CD99L2: variants seen among roughly 807,000 people sequenced by gnomAD.
CD99L2 encodes the protein CD99 molecule like 2, also known as CD99 antigen-like protein 2.
In CD99L2, 24 loss-of-function variants were observed where a neutral mutation model predicts 27.3. The ratio of observed to expected loss-of-function variants is 0.88; its 90% CI spans 0.64 to 1.24. The LOEUF is 1.24. Among genes scored for constraint, CD99L2 ranks in the 50% most tolerant of loss-of-function variants. CD99L2 has a pLI of 0.00. For missense variants in CD99L2, 255 were observed against 221.6 expected, an observed-to-expected ratio of 1.15 and a Z score of -0.96; for synonymous variants, 97 against 87.9, an observed-to-expected ratio of 1.10 and a Z score of -0.58.
At chrX:150,882,059 G>A (rs1243253562) in intron 1 of CD99L2, among the ~76,000 whole-genome samples, 5 of 110,427 alleles carry the variant, frequency 4.5e-5, no homozygotes, top group South Asian at 3.9e-4. Context: ...CTTGTGATCC[G>A]CCCGCCTCGG....
Position 150,862,155 on chromosome X carries a change from T to TA in CD99L2, c.68-30863dup, listed in dbSNP as rs782581256. 5.1e-3 allele frequency among the ~76,000 whole-genome samples: 568 copies of TA among 111,946 alleles called. 7 individuals are homozygous for TA. Among genetic ancestry groups the TA allele is most frequent in the Middle Eastern group, 0.014 (3 of 216 alleles). ...TATTTAAAAGCAATAAAACTATCTT[T>TA]AAAAGCACTGTGATATAATACAAAG... On this transcript the variant is annotated intron_variant, in intron 1 of 10. Coordinates refer to ENST00000370377, the MANE Select transcript of CD99L2 (RefSeq NM_031462.4).
chrX:150,825,875 G>A (rs782097106), intron 2 of CD99L2, among the ~76,000 whole-genome samples: 2 of 112,188 alleles, frequency 1.8e-5, no homozygotes, highest in East Asian at 5.6e-4. Context: ...GTGCTGTACC[G>A]AAACAGTAAA....
intron 1 of CD99L2, among the ~76,000 whole-genome samples, chrX:150,862,817 A>T (rs1339589226): frequency 9.2e-6 from 1 of 109,076 alleles, no homozygotes; most frequent in Non-Finnish European, 1.9e-5. Flanking sequence ...GGTGCGAAAG[A>T]AAGAAGGAAA....
chrX:150,818,052 A>G (rs1569565982), intron 2 of CD99L2, among the ~76,000 whole-genome samples: 1 of 97,058 alleles, frequency 1.0e-5, no homozygotes, highest in East Asian at 2.9e-4. Flanking sequence ...AGAGGAAGAC[A>G]TAATAATTTT....
chrX:150,836,910 A>C (rs1557421220), intron 1 of CD99L2, among the ~76,000 whole-genome samples: 1 of 112,229 alleles, frequency 8.9e-6, no homozygotes, highest in African/African-American at 3.2e-5. Context: ...AAGTATTATA[A>C]TCTTATGAGC....
chrX:150,795,991 C>G (rs1557419900), intron 4 of CD99L2, among the ~76,000 whole-genome samples: 1 of 112,675 alleles, frequency 8.9e-6, no homozygotes, highest in Non-Finnish European at 1.9e-5. Flanking sequence ...AACATCAGGT[C>G]TCTGGGCTCA....
intron 6 of CD99L2, among the ~76,000 whole-genome samples, chrX:150,794,924 G>A (rs2045767412): frequency 8.9e-6 from 1 of 112,876 alleles, no homozygotes; most frequent in Non-Finnish European, 1.9e-5. Context: ...TGTTATTTAT[G>A]TTAAATGTAT....
At chrX:150,857,069 T>C (rs1189090654) in intron 1 of CD99L2, among the ~76,000 whole-genome samples, 1 of 109,001 alleles carries the variant, frequency 9.2e-6, no homozygotes, top group Non-Finnish European at 1.9e-5. Context: ...TGGACAAAAA[T>C]AAAGAAAAAA....
At chrX:150,774,367 G>A (rs782760680) in intron 9 of CD99L2, among the ~76,000 whole-genome samples, 24 of 111,275 alleles carry the variant, frequency 2.2e-4, no homozygotes, top group South Asian at 7.6e-4. Context: ...AAGTGTCCCT[G>A]GCCAGGTCCT....
chrX:150,852,315 G>A (rs1001503982), intron 1 of CD99L2, among the ~76,000 whole-genome samples: 2 of 110,612 alleles, frequency 1.8e-5, no homozygotes, highest in Admixed American at 1.9e-4. Flanking sequence ...GCTGAGCACA[G>A]GATGACAGCT....
intron 7 of CD99L2, among the ~76,000 whole-genome samples, chrX:150,792,047 T>C (rs951925636): frequency 1.8e-5 from 2 of 112,097 alleles, no homozygotes; most frequent in Non-Finnish European, 3.8e-5. Flanking sequence ...TATTTTTGTG[T>C]AAAGGACAGT....
chrX:150,816,829 A>C (rs2046163472), intron 2 of CD99L2, among the ~76,000 whole-genome samples: 1 of 110,054 alleles, frequency 9.1e-6, no homozygotes. Flanking sequence ...TGGAATAAGA[A>C]AATGTGGCAC....
In CD99L2 at chrX:150,886,661, C is replaced by G. The variant is rs782103795; in HGVS notation, c.67+11861G>C. ...AGGGGTGATTCGCCACCCCCCACCC[C>G]CTAGGGGACACTCGGCAATGTCTGG... On this transcript the variant is annotated intron_variant, in intron 1 of 10. Transcript: ENST00000370377. Among the ~76,000 whole-genome samples, 4 of 112,528 alleles carry G rather than the reference C, an allele frequency of 3.6e-5. No individual in the cohort carries two copies. In the South Asian group the frequency reaches 1.5e-3, roughly 42 times the overall value.
intron 7 of CD99L2, among the ~76,000 whole-genome samples, chrX:150,788,154 C>T (rs1557419621): frequency 9.1e-6 from 1 of 109,643 alleles, no homozygotes; most frequent in Non-Finnish European, 1.9e-5. Context: ...AACAAAATAC[C>T]AGCAAATTGA....
intron 9 of CD99L2, among the ~76,000 whole-genome samples, chrX:150,772,938 C>T (rs1485364415): frequency 3.6e-5 from 4 of 112,059 alleles, no homozygotes; most frequent in Admixed American, 2.8e-4. Flanking sequence ...ACTGGGCCGA[C>T]GGGGTTCCTG....
intron 1 of CD99L2, among the ~76,000 whole-genome samples, chrX:150,874,662 TG>T (rs1304461026): frequency 8.9e-6 from 1 of 111,916 alleles, no homozygotes; most frequent in Non-Finnish European, 1.9e-5. Context: ...CTCATTCTTC[TG>T]ACTCCTCTAC....
At chrX:150,805,539 G>A (rs1185640383) in intron 4 of CD99L2, among the ~76,000 whole-genome samples, 1 of 111,202 alleles carries the variant, frequency 9.0e-6, no homozygotes, top group East Asian at 2.8e-4. Context: ...ACACAACCCA[G>A]CACTCACACA....
At chrX:150,846,465 T>C (rs2046705608) in intron 1 of CD99L2, among the ~76,000 whole-genome samples, 3 of 111,413 alleles carry the variant, frequency 2.7e-5, no homozygotes, top group South Asian at 3.8e-4. Context: ...TCCTCATCTA[T>C]AAAATGGAGA....
chrX:150,807,745 G>A (rs1394625929), intron 4 of CD99L2, among the ~76,000 whole-genome samples: 1 of 107,396 alleles, frequency 9.3e-6, no homozygotes, highest in African/African-American at 3.8e-5. Context: ...CTGCAGGCCT[G>A]TGTGTGTGTG....
Sources: allele counts gnomAD v4.1 joint callset (sites outside exome capture counted in the v4.1 genomes callset), GRCh38; gene constraint gnomAD v4.1.1; transcripts MANE v1.5; gene names NCBI Gene and HGNC (gene_info 2026-07-23, HGNC 2026-07-21).